Variants in DENND5B observed in about 807,000 individuals in gnomAD.
The protein encoded by DENND5B is DENN domain containing 5B, also known as DENN domain-containing protein 5B.
A neutral mutation model predicts 140.6 loss-of-function variants in DENND5B; 34 were observed. That is an observed-to-expected ratio of 0.24 (90% CI 0.18 to 0.32). DENND5B has a LOEUF of 0.32. DENND5B is among the 10% of genes least tolerant of loss of function. The pLI is 1.00. For missense variants in DENND5B, 1,142 were observed against 1,560.2 expected (o/e 0.73, Z 4.52); for synonymous variants, 551 against 562.1 (o/e 0.98, Z 0.28).
At chr12:31,546,144 C>T (rs1248247515) in intron 1 of DENND5B, among the ~76,000 whole-genome samples, 1 of 151,748 alleles carries the variant, frequency 6.6e-6, no homozygotes, top group Non-Finnish European at 1.5e-5. Flanking sequence ...AATTCTTTCT[C>T]AAATTAGAAA....
rs766287708 is a variant in DENND5B at position 31,577,601 on chromosome 12, C to T, written c.127+13105G>A. Reference sequence around the variant, plus strand: ...TGGCGGGCGCCTGTAGTCCCAGCTACTCAGGAGGCTGAGACAGGAGAACGG... The same window carrying T: ...TGGCGGGCGCCTGTAGTCCCAGCTATTCAGGAGGCTGAGACAGGAGAACGG... On this transcript the variant is annotated intron_variant, in intron 1 of 20. Transcript: ENST00000389082. 7.9e-4 allele frequency among the ~76,000 whole-genome samples: 117 copies of T among 148,816 alleles called. 2 individuals carry two copies. Among genetic ancestry groups the T allele is most frequent in the Non-Finnish European group, 1.4e-3 (94 of 67,530 alleles).
At chr12:31,553,370 T>G (rs12824653) in intron 1 of DENND5B, among the ~76,000 whole-genome samples, 12 of 152,086 alleles carry the variant, frequency 7.9e-5, no homozygotes, top group Admixed American at 6.6e-4. Flanking sequence ...TAGTTGAGTG[T>G]TTTTGAGTGA....
At chr12:31,519,879 CACT>C in intron 1 of DENND5B, among the ~76,000 whole-genome samples, 1 of 152,288 alleles carries the variant, frequency 6.6e-6, no homozygotes, top group East Asian at 1.9e-4. Context: ...GTGTGAGCAT[CACT>C]ACTATCTAAT....
chr12:31,580,556 G>A (rs1950180471), intron 1 of DENND5B, among the ~76,000 whole-genome samples: 2 of 151,970 alleles, frequency 1.3e-5, no homozygotes, highest in Non-Finnish European at 2.9e-5. Flanking sequence ...GTGCAGCAGC[G>A]CAATCTCAGC....
At position 31,409,388 on chromosome 12, in the gene DENND5B, G is replaced by A. The variant is rs778875491; in HGVS notation, c.2682-4C>T. 2.6e-6 allele frequency: 4 copies of A among 1,513,716 alleles called. No individual in the cohort carries two copies. Among genetic ancestry groups the A allele is most frequent in the African/African-American group, 1.4e-5 (1 of 69,770 alleles). The allele number at this position is 1,513,716 out of a possible 1,614,324, so 93.8% of individuals were successfully genotyped here. On this transcript the variant is annotated splice_region_variant and splice_polypyrimidine_tract_variant and intron_variant, in intron 13 of 20. Transcript: ENST00000389082. ...AGCATATCGCTTATAAAGCTTCCTA[G>A]GAAAGGGTAAGACAAGCACAAGACA...
At chr12:31,471,173 C>T (rs533722030) in intron 3 of DENND5B, among the ~76,000 whole-genome samples, 6 of 152,272 alleles carry the variant, frequency 3.9e-5, no homozygotes, top group Non-Finnish European at 5.9e-5. Context: ...CCACTCCCAA[C>T]GGGAAAAATT....
intron 1 of DENND5B, among the ~76,000 whole-genome samples, chr12:31,580,914 T>C (rs1426707471): frequency 6.6e-6 from 1 of 152,090 alleles, no homozygotes; most frequent in Non-Finnish European, 1.5e-5. Flanking sequence ...AAGACCACCC[T>C]GGGCAACACA....
chr12:31,590,689 C>G lies in DENND5B; in HGVS notation c.127+17G>C. On this transcript the variant is annotated intron_variant, in intron 1 of 20. Transcript: ENST00000389082. ...CGCCCCTGAGGGGGCTCAGCGCCGCCGCAGCCCTGGCCTTACCCGCCAGCT... is the reference window on the plus strand; with the variant it reads ...CGCCCCTGAGGGGGCTCAGCGCCGCGGCAGCCCTGGCCTTACCCGCCAGCT... 6.8e-7 allele frequency: 1 copy of G among 1,464,638 alleles called. No individual in the cohort carries two copies. Among genetic ancestry groups the G allele is most frequent in the Non-Finnish European group, 9.0e-7 (1 of 1,113,140 alleles). The allele number at this position is 1,464,638 out of a possible 1,614,324, so 90.7% of individuals were successfully genotyped here.
At chr12:31,389,721 A>C (rs561999243) in intron 19 of DENND5B, among the ~76,000 whole-genome samples, 1 of 152,342 alleles carries the variant, frequency 6.6e-6, no homozygotes, top group Admixed American at 6.5e-5. Context: ...GCATTCCAGA[A>C]GACTGGAAAG....
rs7294574 is a variant in DENND5B, at chr12:31,385,426, G to T, written c.*2177C>A. 87,524 of 151,934 alleles carry T rather than the reference G, an allele frequency of 0.58. 25,688 individuals carry two copies. The highest frequency in any genetic ancestry group is 0.82 in the East Asian group (4,249 of 5,166). The allele number at this position is 151,934 out of a possible 1,614,324, so 9.4% of individuals were successfully genotyped here. A position where few individuals can be genotyped will look rare whatever the true frequency, so the allele number is the denominator to read the frequency against. ...TGTCAATCCTAGCACATTAACCTAA[G>T]TCATCCCCCAGGTTGCCTAGACCTG... On this transcript the variant is annotated 3_prime_UTR_variant, in exon 21 of 21. Coordinates refer to ENST00000389082, the MANE Select transcript of DENND5B (RefSeq NM_144973.4).
chr12:31,389,565 CTTAAT>C (rs1941020140), intron 19 of DENND5B, 67 bp from the exon 20 acceptor site: 3 of 1,437,564 alleles, frequency 2.1e-6, no homozygotes, highest in Non-Finnish European at 2.8e-6. Context: ...AGATTCATCA[CTTAAT>C]TTATTATGGA....
At chr12:31,514,746 C>A (rs1236458319) in intron 1 of DENND5B, among the ~76,000 whole-genome samples, 2 of 151,360 alleles carry the variant, frequency 1.3e-5, no homozygotes, top group African/African-American at 4.9e-5. Context: ...GAATCTGATT[C>A]AGGGAGGCAG....
chr12:31,423,625 C>T lies in DENND5B; in HGVS notation c.2442G>A (p.Glu814=). The part of the protein sequence containing the change: ...SHLIQFQDRE[E]KQEHLAESPV... ...GTGATTCTGCAAGGTGCTCTTGTTT[C>T]TCTTCTCTGTCCTGAAATTGAATTA... Residue 814 remains glutamate (E), a synonymous_variant, in exon 11 of 21, where the codon GAG becomes GAA. Transcript: ENST00000389082. 6.2e-7 allele frequency: 1 copy of T among 1,613,938 alleles called. No homozygotes were observed. The highest frequency in any genetic ancestry group is 8.5e-7 in the Non-Finnish European group (1 of 1,179,866).
chr12:31,391,755 G>A (rs1189725698), intron 19 of DENND5B, among the ~76,000 whole-genome samples: 1 of 152,028 alleles, frequency 6.6e-6, no homozygotes, highest in Non-Finnish European at 1.5e-5. Context: ...TAGGCTCCTG[G>A]GCTCAAGCGA....
In DENND5B at chr12:31,402,614, T is replaced by C. The variant is rs762222400; in HGVS notation, c.2833A>G (p.Ile945Val). ...ATTATTGCATTGCTCAGCTTTTTGA[T>C]TGGGATGATCACTGACCTATACGGA... ...MIPYRSVIIP[I>V]KKLSNAIITS... Residue 945 changes from isoleucine to valine, a missense_variant, in exon 15 of 21, where the codon ATC (isoleucine) becomes GTC (valine). Coordinates refer to ENST00000389082, the MANE Select transcript of DENND5B (RefSeq NM_144973.4). 17 of 1,613,546 alleles carry C rather than the reference T, an allele frequency of 1.1e-5. No individual in the cohort carries two copies. The highest frequency in any genetic ancestry group is 1.7e-5 in the Admixed American group (1 of 59,976).
chr12:31,402,678 G>C, intron 14 of DENND5B, 35 bp from the exon 15 acceptor site: 1 of 1,571,896 alleles, frequency 6.4e-7, no homozygotes, highest in African/African-American at 1.4e-5. Context: ...TTAAAAAGCG[G>C]GAATAAAATT....
chr12:31,433,022 A>T, intron 8 of DENND5B, 133 bp downstream of exon 8: 2 of 740,572 alleles, frequency 2.7e-6, no homozygotes, highest in Non-Finnish European at 4.4e-6. Context: ...CAAAAGGATT[A>T]ATATTTTAAA....
intron 19 of DENND5B, among the ~76,000 whole-genome samples, chr12:31,389,809 GGAACCTT>G (rs2137255033): frequency 6.6e-6 from 1 of 152,228 alleles, no homozygotes; most frequent in East Asian, 1.9e-4. Context: ...TGTTAAGACT[GGAACCTT>G]CTAGGAGTAA....
At chr12:31,552,285 T>C (rs967165060) in intron 1 of DENND5B, among the ~76,000 whole-genome samples, 1 of 152,202 alleles carries the variant, frequency 6.6e-6, no homozygotes, top group Admixed American at 6.5e-5. Context: ...GGCTGCTGAA[T>C]TTTGTCAAAG....
Sources: gnomAD v4.1 joint callset for allele counts (sites outside exome capture counted in the v4.1 genomes callset) on GRCh38, gnomAD v4.1.1 for gene constraint, MANE v1.5 for transcripts, NCBI Gene and HGNC (gene_info 2026-07-23, HGNC 2026-07-21) for gene names.